The following LDLRAD4 variants were observed in gnomAD, a reference collection of about 807,000 sequenced individuals.
LDLRAD4 encodes low density lipoprotein receptor class A domain containing 4, also known as low-density lipoprotein receptor class A domain-containing protein 4.
In LDLRAD4, 5 loss-of-function variants were observed where a neutral mutation model predicts 17.0. The observed-to-expected ratio is 0.29, with a 90% CI of 0.15 to 0.62. LDLRAD4 has a LOEUF of 0.62. Among genes scored for constraint, LDLRAD4 ranks in the 20% least tolerant of loss-of-function variants. The probability of loss-of-function intolerance (pLI) is 0.84; values close to 1 mark genes in which losing one functional copy is unlikely to be tolerated. For missense variants in LDLRAD4, 340 were observed against 424.7 expected (o/e 0.80, Z 1.75); for synonymous variants, 168 against 171.8 (o/e 0.98, Z 0.17).
At chr18:13,240,901 T>G (rs2042607766) in intron 1 of LDLRAD4, 1 of 152,554 alleles carries the variant, frequency 6.6e-6, no homozygotes. Flanking sequence ...TTGGCCCTAC[T>G]CGAGGCGGGC....
At chr18:13,581,474 A>G (rs2094856738) in intron 3 of LDLRAD4, among the ~76,000 whole-genome samples, 1 of 152,164 alleles carries the variant, frequency 6.6e-6, no homozygotes, top group East Asian at 1.9e-4. Flanking sequence ...GAATCTCCTA[A>G]GTTCTTTGGA....
intron 2 of LDLRAD4, among the ~76,000 whole-genome samples, chr18:13,429,380 G>A (rs1256121647): frequency 2.0e-5 from 3 of 152,224 alleles, no homozygotes; most frequent in African/African-American, 7.2e-5. Context: ...GGGGCCCAGA[G>A]CATCTTTTTA....
chr18:13,623,156 T>A (rs2040810993), intron 4 of LDLRAD4, among the ~76,000 whole-genome samples: 1 of 152,176 alleles, frequency 6.6e-6, no homozygotes, highest in South Asian at 2.1e-4. Context: ...CAAAAAAGTG[T>A]CTTCTGTGTC....
At chr18:13,604,431 G>A (rs746206456) in intron 3 of LDLRAD4, among the ~76,000 whole-genome samples, 3 of 152,314 alleles carry the variant, frequency 2.0e-5, no homozygotes, top group Non-Finnish European at 2.9e-5. Context: ...CATATACTGC[G>A]TGTGTGCAAG....
In LDLRAD4 at chr18:13,300,497, A is replaced by AT. The variant is rs1247427099; in HGVS notation, c.-383+22310dup. On this transcript the variant is annotated intron_variant, in intron 1 of 5. Transcript: ENST00000359446. This position sits in a 1 kb window ranked among gnomAD's most constrained non-coding sequence, Gnocchi z 4.2. ...CTGCAATAAGGCACCCGGTGCCAGC[A>AT]TGGAGCCCCATTGTCCTCACTCTTC... 1.3e-5 allele frequency among the ~76,000 whole-genome samples: 2 copies of AT among 152,208 alleles called. No homozygotes were observed. The highest frequency in any genetic ancestry group is 2.9e-5 in the Non-Finnish European group (2 of 68,036).
intron 1 of LDLRAD4, among the ~76,000 whole-genome samples, chr18:13,365,608 C>A (rs2084001283): frequency 1.3e-5 from 2 of 152,202 alleles, no homozygotes; most frequent in African/African-American, 2.4e-5. Flanking sequence ...TTGCTGTGGG[C>A]AAATGTCCTA....
intron 2 of LDLRAD4, chr18:13,420,726 G>C (rs1183025848): frequency 6.6e-6 from 1 of 152,272 alleles, no homozygotes; most frequent in African/African-American, 2.4e-5. Context: ...TTCCATGCAT[G>C]GGCAGAGAAC....
chr18:13,264,928 A>G (rs1037704151), intron 1 of LDLRAD4, among the ~76,000 whole-genome samples: 25 of 152,186 alleles, frequency 1.6e-4, no homozygotes, highest in Non-Finnish European at 3.5e-4. Flanking sequence ...AAGGTTGAGG[A>G]AGACGTTGGC....
Position 13,622,004 on chromosome 18 carries a change from G to A in LDLRAD4, c.336+733G>A, listed in dbSNP as rs150987893. Among the ~76,000 whole-genome samples, 97 of 152,316 alleles carry A rather than the reference G, an allele frequency of 6.4e-4. No individual in the cohort carries two copies. The highest frequency in any genetic ancestry group is 3.6e-3 in the Admixed American group (55 of 15,304). On this transcript the variant is annotated intron_variant, in intron 4 of 5. Transcript: ENST00000359446. This position sits in a 1 kb window ranked among gnomAD's most constrained non-coding sequence, Gnocchi z 5.3. The stretch of plus-strand genomic sequence containing the variant: ...GGCTTCCAGCCAGAGGGTTAGGAGC[G>A]GTGAGTTCAGCGAGCGTATAAATCC...
intron 1 of LDLRAD4, among the ~76,000 whole-genome samples, chr18:13,384,265 A>G (rs1338209804): frequency 6.6e-6 from 1 of 152,144 alleles, no homozygotes; most frequent in East Asian, 1.9e-4. Flanking sequence ...ATGTATGATA[A>G]CTTCATTTTT....
chr18:13,345,084 G>A (rs1337094945), intron 1 of LDLRAD4, among the ~76,000 whole-genome samples: 2 of 152,080 alleles, frequency 1.3e-5, no homozygotes, highest in African/African-American at 2.4e-5. Context: ...TCTTTCTCCT[G>A]CCTGATTGCC....
chr18:13,257,760 G>T (rs1023920489), intron 1 of LDLRAD4, among the ~76,000 whole-genome samples: 6 of 152,226 alleles, frequency 3.9e-5, no homozygotes, highest in Non-Finnish European at 7.3e-5. Flanking sequence ...AGTGGGGAGA[G>T]ACCAGGGATG....
At chr18:13,304,935 C>T (rs1452388654) in intron 1 of LDLRAD4, among the ~76,000 whole-genome samples, 1 of 152,170 alleles carries the variant, frequency 6.6e-6, no homozygotes, top group Non-Finnish European at 1.5e-5. Context: ...TTTATCATTT[C>T]ACAGTTGAAA....
intron 3 of LDLRAD4, among the ~76,000 whole-genome samples, chr18:13,536,795 CCTT>C (rs1305474662): frequency 6.6e-6 from 1 of 152,054 alleles, no homozygotes; most frequent in Non-Finnish European, 1.5e-5. Flanking sequence ...GAGGAAGTCT[CCTT>C]CTGTTCCTAC....
At chr18:13,319,864 C>T (rs371094032) in intron 1 of LDLRAD4, among the ~76,000 whole-genome samples, 3 of 152,258 alleles carry the variant, frequency 2.0e-5, no homozygotes, top group South Asian at 2.1e-4. Context: ...CTGAGACTTA[C>T]GATTTAAAGC....
At position 13,502,448 on chromosome 18, in the gene LDLRAD4, C is replaced by G. The variant is rs77385345; in HGVS notation, c.181+64064C>G. ...AAATATTGGTATGCATACTACCAAA[C>G]TTTTGTGTATGAAGTTCGTACAAGG... On this transcript the variant is annotated intron_variant, in intron 3 of 5. Coordinates refer to ENST00000359446, the Ensembl canonical transcript of LDLRAD4. Among the ~76,000 whole-genome samples, 327 of 152,340 alleles carry G rather than the reference C, an allele frequency of 2.1e-3. 2 individuals carry two copies. The highest frequency in any genetic ancestry group is 3.0e-3 in the Admixed American group (46 of 15,300).
intron 3 of LDLRAD4, among the ~76,000 whole-genome samples, chr18:13,454,326 T>C (rs2092005237): frequency 6.6e-6 from 1 of 152,220 alleles, no homozygotes; most frequent in Admixed American, 6.5e-5. Context: ...TGTCTAAATT[T>C]GTGAAAGAAT....
intron 1 of LDLRAD4, among the ~76,000 whole-genome samples, chr18:13,246,667 C>T (rs552772742): frequency 6.6e-6 from 1 of 152,292 alleles, no homozygotes; most frequent in East Asian, 1.9e-4. Flanking sequence ...CTTAGAATCC[C>T]CTGTTTTGTC....
chr18:13,591,713 C>G (rs996778247), intron 3 of LDLRAD4, among the ~76,000 whole-genome samples: 15 of 152,112 alleles, frequency 9.9e-5, no homozygotes, highest in African/African-American at 3.6e-4. Flanking sequence ...AGTTAAGAAT[C>G]ACTGCTCTGA....
Sources: allele counts gnomAD v4.1 joint callset (sites outside exome capture counted in the v4.1 genomes callset), GRCh38; gene constraint gnomAD v4.1.1; non-coding constraint Gnocchi (gnomAD v3.1); transcripts MANE v1.5; gene names NCBI Gene and HGNC (gene_info 2026-07-23, HGNC 2026-07-21).